EPM2A: variants seen among roughly 807,000 people sequenced by gnomAD.
EPM2A encodes laforin.
Under a neutral mutation model 26.5 loss-of-function variants are expected in EPM2A, and 21 were observed. That is an observed-to-expected ratio of 0.79 (90% CI 0.56 to 1.14). The LOEUF (loss-of-function observed/expected upper bound fraction) is 1.14, where lower values mean the gene tolerates loss of function less well. Ranked by LOEUF, EPM2A falls within the 50% of genes most tolerant of loss-of-function variation. The pLI, the probability that EPM2A is intolerant of heterozygous loss-of-function variation, is 0.00. For synonymous variants in EPM2A, 217 were observed against 177.6 expected, an observed-to-expected ratio of 1.22 and a Z score of -1.76; for missense variants, 458 against 440.8, an observed-to-expected ratio of 1.04 and a Z score of -0.35.
At chr6:145,674,691 G>T (rs1314380527) in intron 2 of EPM2A, among the ~76,000 whole-genome samples, 2 of 152,020 alleles carry the variant, frequency 1.3e-5, no homozygotes, top group African/African-American at 4.8e-5. Flanking sequence ...GGATATTAGT[G>T]ATTGAAGATC....
At chr6:145,487,317 T>C (rs548074668) in intron 4 of EPM2A, among the ~76,000 whole-genome samples, 4 of 152,290 alleles carry the variant, frequency 2.6e-5, no homozygotes, top group East Asian at 3.9e-4. Context: ...TGCATGTGTC[T>C]TTACAACATA....
At chr6:145,710,317 G>A (rs117829928) in intron 1 of EPM2A, among the ~76,000 whole-genome samples, 1,658 of 152,078 alleles carry the variant, frequency 0.011, 13 homozygotes, top group Middle Eastern at 0.02. Flanking sequence ...GAAGGATATC[G>A]ACAGACACTT....
chr6:145,538,177 C>G (rs926833001), intron 2 of EPM2A, among the ~76,000 whole-genome samples: 1 of 152,040 alleles, frequency 6.6e-6, no homozygotes, highest in African/African-American at 2.4e-5. Context: ...GAGGAATCAC[C>G]ACACTGTCTT....
At chr6:145,393,400 A>G (rs1283142512) in intron 4 of EPM2A, among the ~76,000 whole-genome samples, 1 of 151,922 alleles carries the variant, frequency 6.6e-6, no homozygotes, top group Non-Finnish European at 1.5e-5. Flanking sequence ...CTGTCACTTT[A>G]AACAGAATTG....
chr6:145,632,208 A>G (rs1301236752), intron 3 of EPM2A: 1 of 152,180 alleles, frequency 6.6e-6, no homozygotes, highest in East Asian at 1.9e-4. Flanking sequence ...GCTTTAGCCC[A>G]GTTGTCTTGG....
chr6:145,633,030 G>A (rs757193031), intron 3 of EPM2A, among the ~76,000 whole-genome samples: 6 of 152,134 alleles, frequency 3.9e-5, no homozygotes, highest in Non-Finnish European at 5.9e-5. Flanking sequence ...CCCACTGACC[G>A]CAAAAAAGGT....
rs370516362 is a variant in EPM2A, at chr6:145,596,027, C to A, written c.340+39218G>T. On this transcript the variant is annotated intron_variant, in intron 2 of 3. Transcript: ENST00000450221. ...AAATGTTAACCCAAAACAGTAAAATCATTGGAAATTTAAAAGTCCTAAACA... is the reference window on the plus strand; with the variant it reads ...AAATGTTAACCCAAAACAGTAAAATAATTGGAAATTTAAAAGTCCTAAACA... Among the ~76,000 whole-genome samples the A allele has an allele frequency of 3.0e-4, 45 of 152,228 alleles. 1 individual carries two copies. Among genetic ancestry groups the A allele is most frequent in the African/African-American group, 9.6e-4 (40 of 41,526 alleles).
At chr6:145,441,904 C>A (rs1779067652) in intron 4 of EPM2A, among the ~76,000 whole-genome samples, 1 of 151,998 alleles carries the variant, frequency 6.6e-6, no homozygotes, top group Non-Finnish European at 1.5e-5. Flanking sequence ...AACTGAATGC[C>A]TTTAACATCA....
At chr6:145,442,946 C>A (rs189905572) in intron 4 of EPM2A, among the ~76,000 whole-genome samples, 1 of 151,924 alleles carries the variant, frequency 6.6e-6, no homozygotes, top group African/African-American at 2.4e-5. Flanking sequence ...CTGCAAGCTG[C>A]GCCTCCTGGG....
intron 4 of EPM2A, among the ~76,000 whole-genome samples, chr6:145,486,588 C>A (rs906001631): frequency 1.3e-5 from 2 of 152,082 alleles, no homozygotes; most frequent in Admixed American, 6.6e-5. Flanking sequence ...CTTTGACCTA[C>A]TTCTCCCTTT....
chr6:145,421,721 T>C (rs1037724890), intron 4 of EPM2A, among the ~76,000 whole-genome samples: 3 of 151,846 alleles, frequency 2.0e-5, no homozygotes, highest in Non-Finnish European at 4.4e-5. Context: ...AGAAAGATAA[T>C]ATGTGATTTG....
intron 4 of EPM2A, among the ~76,000 whole-genome samples, chr6:145,453,187 T>A (rs1779218951): frequency 6.6e-6 from 1 of 152,222 alleles, no homozygotes; most frequent in Admixed American, 6.5e-5. Flanking sequence ...GCTCACACAT[T>A]ATGCCCAGAA....
At chr6:145,583,151 C>T (rs1353944718) in intron 2 of EPM2A, among the ~76,000 whole-genome samples, 2 of 152,152 alleles carry the variant, frequency 1.3e-5, no homozygotes, top group African/African-American at 4.8e-5. Context: ...AATTCTATGT[C>T]CATCATTTCA....
chr6:145,533,678 T>A (rs954885101), intron 2 of EPM2A, among the ~76,000 whole-genome samples: 2 of 152,124 alleles, frequency 1.3e-5, no homozygotes, highest in African/African-American at 4.8e-5. Context: ...GTCTACTTCA[T>A]ATATCAGGTG....
chr6:145,569,409 A>T (rs1780926947), intron 2 of EPM2A, among the ~76,000 whole-genome samples: 1 of 152,244 alleles, frequency 6.6e-6, no homozygotes. Flanking sequence ...GCATCGGATT[A>T]CAAAAAGCTT....
chr6:145,624,525 A>T (rs1025623494), downstream of EPM2A, among the ~76,000 whole-genome samples: 1 of 152,348 alleles, frequency 6.6e-6, no homozygotes, highest in South Asian at 2.1e-4. Flanking sequence ...TTCCTGACTT[A>T]TCCTTTACCT....
intron 4 of EPM2A, among the ~76,000 whole-genome samples, chr6:145,415,516 T>C (rs1296092750): frequency 6.6e-6 from 1 of 152,204 alleles, no homozygotes; most frequent in Admixed American, 6.5e-5. Flanking sequence ...TCCAGTTATT[T>C]CTGTGCCTGA....
At chr6:145,587,173 G>A (rs1279597832) in intron 2 of EPM2A, among the ~76,000 whole-genome samples, 1 of 152,124 alleles carries the variant, frequency 6.6e-6, no homozygotes, top group Non-Finnish European at 1.5e-5. Context: ...TCAGTAATTG[G>A]TAATAACATA....
At chr6:145,427,416 G>A (rs1778866800) in intron 4 of EPM2A, among the ~76,000 whole-genome samples, 1 of 152,114 alleles carries the variant, frequency 6.6e-6, no homozygotes, top group Non-Finnish European at 1.5e-5. Flanking sequence ...TGGCATGTCT[G>A]AGAAACTGCA....
Sources: gnomAD v4.1 joint callset for allele counts (sites outside exome capture counted in the v4.1 genomes callset) on GRCh38, gnomAD v4.1.1 for gene constraint, MANE v1.5 for transcripts, NCBI Gene and HGNC (gene_info 2026-07-23, HGNC 2026-07-21) for gene names.